The following KIF1B variants were observed in gnomAD, a reference collection of about 807,000 sequenced individuals.
KIF1B encodes the protein kinesin family member 1B.
Under a neutral mutation model 241.9 loss-of-function variants are expected in KIF1B, and 76 were observed. That is an observed-to-expected ratio of 0.31 (90% confidence interval 0.26 to 0.38). The LOEUF (loss-of-function observed/expected upper bound fraction) is 0.38. KIF1B is among the 10% of genes least tolerant of loss of function. KIF1B has a pLI of 1.00. For synonymous variants in KIF1B, 750 were observed against 796.7 expected (o/e 0.94, Z 0.99); for missense variants, 1,622 against 2,271.4 (o/e 0.71, Z 5.81).
intron 17 of KIF1B, among the ~76,000 whole-genome samples, chr1:10,292,916 T>G (rs1489729774): frequency 6.6e-6 from 1 of 152,192 alleles, no homozygotes; most frequent in Non-Finnish European, 1.5e-5. Flanking sequence ...TGACCTCACA[T>G]TGGCTATTGG....
At position 10,321,724 on chromosome 1, in the gene KIF1B, A is replaced by G. The variant is rs772658834; in HGVS notation, c.2225A>G (p.His742Arg). 3 of 1,614,186 alleles carry G rather than the reference A, an allele frequency of 1.9e-6. No homozygotes were observed. In the South Asian group the frequency reaches 3.3e-5, roughly 18 times the overall value. Residue 742 changes from histidine (H) to arginine (R), a missense_variant, in exon 24 of 49, where the codon CAT becomes CGT. Physicochemically the swap from His to Arg is conservative, Grantham distance 29. Around this residue, in one of 7 missense-constraint regions of KIF1B, gnomAD observed 803 missense variants for 1,112.0 expected, o/e 0.72. Coordinates refer to ENST00000676179, the MANE Select transcript of KIF1B (RefSeq NM_001365951.3). ...ATTCTTTCAGTTCCTTGGACACAGC[A>G]TGAATTTGAGTTGGCCCAATGGGCC... is the stretch of plus-strand genomic sequence containing the variant. ...EEEEEVPWTQ[H>R]EFELAQWAFR...
chr1:10,374,022 TC>T lies in KIF1B; in HGVS notation c.4947-292del, dbSNP rs1227033530. Among the ~76,000 whole-genome samples, 5 of 152,222 alleles carry T rather than the reference TC, an allele frequency of 3.3e-5. No homozygotes were observed. Among genetic ancestry groups the T allele is most frequent in the Non-Finnish European group, 5.9e-5 (4 of 68,026 alleles). ...AAAGAAACATATAAAGGAGTAGAGTTCCTATTCCAGATAATGTGTTCAGAGG... is the reference window on the plus strand; with the variant it reads ...AAAGAAACATATAAAGGAGTAGAGTTCTATTCCAGATAATGTGTTCAGAGG... On this transcript the variant is annotated intron_variant, in intron 45 of 48. Coordinates refer to ENST00000676179, the MANE Select transcript of KIF1B (RefSeq NM_001365951.3). This position sits in a 1 kb window ranked among gnomAD's most constrained non-coding sequence, Gnocchi z 4.3.
intron 22 of KIF1B, among the ~76,000 whole-genome samples, chr1:10,312,977 G>T (rs950998723): frequency 4.6e-5 from 7 of 151,562 alleles, no homozygotes; most frequent in Non-Finnish European, 1.0e-4. Flanking sequence ...CTGGGCTCAA[G>T]TCTCATTTTT....
At chr1:10,232,509 A>G in intron 2 of KIF1B, 75 bp downstream of exon 2, 3 of 1,039,612 alleles carry the variant, frequency 2.9e-6, no homozygotes, top group South Asian at 2.7e-5. Context: ...TGCTGTGTTC[A>G]GAATAGATGA....
At chr1:10,211,927 A>T (rs771381895) in intron 1 of KIF1B, among the ~76,000 whole-genome samples, 1 of 152,206 alleles carries the variant, frequency 6.6e-6, no homozygotes, top group Non-Finnish European at 1.5e-5. Context: ...TTGGATGGAT[A>T]GATTTTCAGA....
intron 1 of KIF1B, among the ~76,000 whole-genome samples, chr1:10,217,800 T>TC (rs35150619): frequency 0.26 from 38,848 of 151,690 alleles, 5,298 homozygotes; most frequent in Admixed American, 0.32. Context: ...TTTGCTGTAC[T>TC]CCCCCGTGAT....
At chr1:10,256,379 G>A in intron 3 of KIF1B, 56 bp downstream of exon 3, 1 of 1,224,614 alleles carries the variant, frequency 8.2e-7, no homozygotes, top group Admixed American at 1.7e-5. Context: ...CTCTTTCCTT[G>A]CCGATTTGTC....
intron 40 of KIF1B, among the ~76,000 whole-genome samples, chr1:10,362,785 A>T (rs1638459983): frequency 6.6e-6 from 1 of 152,184 alleles, no homozygotes; most frequent in South Asian, 2.1e-4. Context: ...AAAGATAGAG[A>T]TGAGGTGGGG....
At chr1:10,295,063 T>C (rs750656038) in intron 17 of KIF1B, 23 bp from the exon 18 acceptor site, 15 of 1,531,624 alleles carry the variant, frequency 9.8e-6, no homozygotes, top group Non-Finnish European at 1.3e-5. Flanking sequence ...TGCTCCAAAT[T>C]GATCATCTGT....
At chr1:10,350,491 G>A (rs1265699257) in intron 37 of KIF1B, among the ~76,000 whole-genome samples, 1 of 151,820 alleles carries the variant, frequency 6.6e-6, no homozygotes, top group East Asian at 1.9e-4. Flanking sequence ...ACCTGGAGGC[G>A]GAGCTTGCAG....
At chr1:10,360,813 C>T (rs1022105609) in intron 38 of KIF1B, 116 bp from the exon 39 acceptor site, 1 of 754,054 alleles carries the variant, frequency 1.3e-6, no homozygotes, top group African/African-American at 1.7e-5. Context: ...GTTTGATAAA[C>T]TGAAAGTGTC....
chr1:10,212,915 T>TATATATATATATATATAC (rs1476266716), intron 1 of KIF1B, among the ~76,000 whole-genome samples: 1 of 121,676 alleles, frequency 8.2e-6, no homozygotes, highest in South Asian at 2.4e-4. Context: ...TATATATATA[T>TATATATATATATATATAC]ATATATATAT....
chr1:10,294,796 A>C (rs1650179638), intron 17 of KIF1B, among the ~76,000 whole-genome samples: 1 of 152,206 alleles, frequency 6.6e-6, no homozygotes, highest in Admixed American at 6.5e-5. Context: ...TGAACCTGGA[A>C]GGCAGAGGTT....
At chr1:10,282,046 C>G (rs944877738) in intron 14 of KIF1B, among the ~76,000 whole-genome samples, 1 of 152,154 alleles carries the variant, frequency 6.6e-6, no homozygotes, top group South Asian at 2.1e-4. Flanking sequence ...TCTGGTTTAT[C>G]CCCCTGCGAG....
chr1:10,257,986 C>A (rs79100254), intron 3 of KIF1B, among the ~76,000 whole-genome samples: 2,849 of 152,206 alleles, frequency 0.019, 41 homozygotes, highest in Non-Finnish European at 0.028. Flanking sequence ...CCTGGGGAAT[C>A]GATGTTTTAA....
chr1:10,245,950 G>C (rs1647204828), intron 2 of KIF1B, among the ~76,000 whole-genome samples: 1 of 152,154 alleles, frequency 6.6e-6, no homozygotes, highest in South Asian at 2.1e-4. Context: ...AAGTCCACCA[G>C]GCTTTTGTCC....
chr1:10,223,422 A>G (rs1646869838), intron 1 of KIF1B, among the ~76,000 whole-genome samples: 2 of 152,176 alleles, frequency 1.3e-5, no homozygotes, highest in Non-Finnish European at 2.9e-5. Flanking sequence ...TACTGTTTAT[A>G]GTAGTAGAGA....
chr1:10,290,092 ACCT>A (rs1344811159), intron 15 of KIF1B, among the ~76,000 whole-genome samples: 1 of 151,940 alleles, frequency 6.6e-6, no homozygotes, highest in Non-Finnish European at 1.5e-5. Flanking sequence ...GTATACAGTA[ACCT>A]CCTTGAGAGC....
chr1:10,379,140 T>TAA lies in KIF1B; in HGVS notation c.*2554_*2555insAA, dbSNP rs1029133303. The TAA allele has an allele frequency of 4.3e-6, 1 of 232,106 alleles. No homozygotes were observed. Among genetic ancestry groups the TAA allele is most frequent in the Non-Finnish European group, 8.5e-6 (1 of 117,142 alleles). The allele number at this position is 232,106 out of a possible 1,614,324, so 14.4% of individuals were successfully genotyped here. A position where few individuals can be genotyped will look rare whatever the true frequency, so the allele number is the denominator to read the frequency against. ...AAAATTAAGTCATTGATGCTGCTGT[T>TAA]ACAGAGTGTGACAGAGGATCCATGT... On this transcript the variant is annotated 3_prime_UTR_variant, in exon 49 of 49. Transcript: ENST00000676179.
Sources: allele counts gnomAD v4.1 joint callset (sites outside exome capture counted in the v4.1 genomes callset), GRCh38; gene constraint gnomAD v4.1.1; regional missense constraint gnomAD v4.1.1; non-coding constraint Gnocchi (gnomAD v3.1); transcripts MANE v1.5; gene names NCBI Gene and HGNC (gene_info 2026-07-23, HGNC 2026-07-21).